SYT9: variants seen among roughly 807,000 people sequenced by gnomAD.
SYT9 encodes synaptotagmin 9.
A neutral mutation model predicts 48.4 loss-of-function variants in SYT9; 22 were observed. The ratio of observed to expected loss-of-function variants is 0.45; its 90% confidence interval spans 0.32 to 0.65. SYT9 has a LOEUF of 0.65. SYT9 is among the 30% of genes least tolerant of loss of function. SYT9 has a pLI of 0.03. For missense variants in SYT9, 577 were observed against 622.0 expected (o/e 0.93, Z 0.77); for synonymous variants, 265 against 245.0 (o/e 1.08, Z -0.76).
chr11:7,275,673 C>T (rs1479296156), intron 1 of SYT9, among the ~76,000 whole-genome samples: 1 of 152,156 alleles, frequency 6.6e-6, no homozygotes, highest in African/African-American at 2.4e-5. Flanking sequence ...GAAGTTCAGA[C>T]CTGTATATCT....
chr11:7,316,398 C>A (rs1589939693), intron 3 of SYT9, among the ~76,000 whole-genome samples: 1 of 151,954 alleles, frequency 6.6e-6, no homozygotes, highest in African/African-American at 2.4e-5. Context: ...CATTTTATTG[C>A]TCTTCTTTGA....
chr11:7,296,359 CAACTT>C lies in SYT9; in HGVS notation c.146-6677_146-6673del, dbSNP rs780895387. Among the ~76,000 whole-genome samples the C allele has an allele frequency of 7.2e-5, 11 of 152,328 alleles. No homozygotes were observed. The South Asian group carries it at 8.3e-4, about 11-fold the overall frequency. On this transcript the variant is annotated intron_variant, in intron 1 of 6. Coordinates refer to ENST00000318881, the MANE Select transcript of SYT9 (RefSeq NM_175733.4). ...TTTTGGCAATATTGCATTTCCCAGA[CAACTT>C]AAGTTCAATCATTTAAACAAAAAGT...
intron 2 of SYT9, among the ~76,000 whole-genome samples, chr11:7,312,110 A>G (rs973894713): frequency 6.6e-6 from 1 of 152,212 alleles, no homozygotes; most frequent in African/African-American, 2.4e-5. Flanking sequence ...GACAGGTACC[A>G]GTGACAGCTC....
At chr11:7,320,293 C>G (rs1053296068) in intron 3 of SYT9, among the ~76,000 whole-genome samples, 4 of 152,130 alleles carry the variant, frequency 2.6e-5, no homozygotes, top group Non-Finnish European at 5.9e-5. Flanking sequence ...CTTCTCCTTC[C>G]CCTCTTTACC....
intron 3 of SYT9, among the ~76,000 whole-genome samples, chr11:7,382,496 A>G (rs1315017261): frequency 1.3e-5 from 2 of 152,152 alleles, no homozygotes; most frequent in Non-Finnish European, 2.9e-5. Flanking sequence ...CAAGGGAGGA[A>G]AAATTAGCTC....
chr11:7,416,234 G>C, intron 4 of SYT9, 72 bp downstream of exon 4: 1 of 1,575,220 alleles, frequency 6.3e-7, no homozygotes, highest in East Asian at 2.2e-5. Flanking sequence ...GTTTTAGTAT[G>C]GTAATAAAGC....
rs147009063 is a variant in SYT9 at position 7,447,996 on chromosome 11, A to G, written c.1468-18796A>G. 2.4e-3 allele frequency among the ~76,000 whole-genome samples: 372 copies of G among 152,332 alleles called. 1 individual carries two copies. Among genetic ancestry groups the G allele is most frequent in the Non-Finnish European group, 4.2e-3 (284 of 68,032 alleles). On this transcript the variant is annotated intron_variant, in intron 6 of 6. Transcript: ENST00000318881. ...ATGGTTTCAGAAGATTGCACGTTCA[A>G]ATGTCTACACTCGAAAAAGCTGAAT...
intron 1 of SYT9, among the ~76,000 whole-genome samples, chr11:7,277,671 T>C (rs1307250038): frequency 1.3e-5 from 2 of 152,202 alleles, no homozygotes; most frequent in Admixed American, 1.3e-4. Flanking sequence ...GATTAGTGTA[T>C]GCCTAGTTGA....
intron 2 of SYT9, among the ~76,000 whole-genome samples, chr11:7,304,871 T>A (rs966901893): frequency 6.6e-6 from 1 of 152,214 alleles, no homozygotes; most frequent in Non-Finnish European, 1.5e-5. Context: ...GCCTTTTAGA[T>A]AGAGTCTCCA....
chr11:7,373,609 C>A (rs1178004029), intron 3 of SYT9, among the ~76,000 whole-genome samples: 3 of 152,060 alleles, frequency 2.0e-5, no homozygotes, highest in African/African-American at 7.2e-5. Flanking sequence ...CAGGGTGTAC[C>A]TAGGGCAGCA....
chr11:7,371,293 T>G (rs576009354), intron 3 of SYT9, among the ~76,000 whole-genome samples: 31 of 116,436 alleles, frequency 2.7e-4, no homozygotes, highest in African/African-American at 8.9e-4. Context: ...TTGATATGAA[T>G]GAACATCTTT....
At chr11:7,317,899 C>T (rs1228732069) in intron 3 of SYT9, among the ~76,000 whole-genome samples, 1 of 152,208 alleles carries the variant, frequency 6.6e-6, no homozygotes, top group African/African-American at 2.4e-5. Context: ...GCAAATCATC[C>T]AGCCTACCTC....
At chr11:7,344,580 A>G (rs1001942681) in intron 3 of SYT9, among the ~76,000 whole-genome samples, 8 of 152,176 alleles carry the variant, frequency 5.3e-5, no homozygotes, top group Admixed American at 5.2e-4. Context: ...TTTTATGTAT[A>G]GTATGATATG....
intron 3 of SYT9, among the ~76,000 whole-genome samples, chr11:7,395,569 A>G (rs983403173): frequency 6.6e-6 from 1 of 152,116 alleles, no homozygotes; most frequent in African/African-American, 2.4e-5. Context: ...TTCTTGTTGA[A>G]TTGAACCCTT....
chr11:7,294,595 A>G (rs1315488687), intron 1 of SYT9, among the ~76,000 whole-genome samples: 1 of 152,208 alleles, frequency 6.6e-6, no homozygotes, highest in Non-Finnish European at 1.5e-5. Flanking sequence ...GGTCCTGGGT[A>G]AGTCCAAAGT....
chr11:7,352,040 G>A (rs142872255), intron 3 of SYT9, among the ~76,000 whole-genome samples: 1 of 152,324 alleles, frequency 6.6e-6, no homozygotes, highest in East Asian at 1.9e-4. Context: ...GGATGGCCCA[G>A]ATGGTGAGCA....
At chr11:7,279,835 T>C (rs1848462112) in intron 1 of SYT9, among the ~76,000 whole-genome samples, 1 of 152,230 alleles carries the variant, frequency 6.6e-6, no homozygotes. Flanking sequence ...GATCTTCCTC[T>C]ACATCTAATT....
At chr11:7,415,784 A>C (rs1025537947) in intron 3 of SYT9, among the ~76,000 whole-genome samples, 1 of 152,134 alleles carries the variant, frequency 6.6e-6, no homozygotes, top group Non-Finnish European at 1.5e-5. Context: ...CGGTGACTGG[A>C]TACATGGTGG....
At chr11:7,273,057 AT>A (rs1848324719) in intron 1 of SYT9, among the ~76,000 whole-genome samples, 1 of 152,310 alleles carries the variant, frequency 6.6e-6, no homozygotes, top group Middle Eastern at 3.4e-3. Flanking sequence ...TATCTATCTT[AT>A]GATAGAATCT....
Sources: gnomAD v4.1 joint callset for allele counts (sites outside exome capture counted in the v4.1 genomes callset) on GRCh38, gnomAD v4.1.1 for gene constraint, MANE v1.5 for transcripts, NCBI Gene and HGNC (gene_info 2026-07-23, HGNC 2026-07-21) for gene names.